The following TLK1 variants were observed in gnomAD, a reference collection of about 807,000 sequenced individuals.
TLK1 encodes the protein serine/threonine-protein kinase tousled-like 1.
TLK1 carries 24 observed loss-of-function variants against 105.3 expected under a neutral mutation model. The observed-to-expected ratio is 0.23, with a 90% CI of 0.17 to 0.32. The LOEUF is 0.32. Ranked by LOEUF, TLK1 falls within the 10% of genes least tolerant of loss-of-function variation. The probability of loss-of-function intolerance (pLI) is 1.00; values close to 1 mark genes in which losing one functional copy is unlikely to be tolerated. For synonymous variants in TLK1, 321 were observed against 310.4 expected, an observed-to-expected ratio of 1.03 and a Z score of -0.36; for missense variants, 558 against 910.5, an observed-to-expected ratio of 0.61 and a Z score of 4.98.
At chr2:171,099,364 C>G (rs1689592916) in intron 2 of TLK1, among the ~76,000 whole-genome samples, 1 of 152,092 alleles carries the variant, frequency 6.6e-6, no homozygotes, top group Non-Finnish European at 1.5e-5. Flanking sequence ...TAAAGAAGAT[C>G]TAAATGAATG....
intron 14 of TLK1, among the ~76,000 whole-genome samples, chr2:171,009,070 GA>G (rs1684778763): frequency 6.6e-6 from 1 of 152,122 alleles, no homozygotes; most frequent in South Asian, 2.1e-4. Flanking sequence ...TAGAATCAGA[GA>G]AACAGGAATT....
intron 2 of TLK1, among the ~76,000 whole-genome samples, chr2:171,083,671 A>G (rs1020152164): frequency 1.3e-5 from 2 of 152,218 alleles, no homozygotes; most frequent in African/African-American, 4.8e-5. Context: ...CACTTGTAAC[A>G]GGAGTGGCTG....
intron 1 of TLK1, among the ~76,000 whole-genome samples, chr2:171,223,281 C>T (rs1693840856): frequency 6.6e-6 from 1 of 152,114 alleles, no homozygotes; most frequent in Non-Finnish European, 1.5e-5. Context: ...TACAAGGATT[C>T]CTCTTTCTCT....
chr2:171,031,776 G>T (rs1686059069), intron 11 of TLK1, among the ~76,000 whole-genome samples: 1 of 152,130 alleles, frequency 6.6e-6, no homozygotes, highest in African/African-American at 2.4e-5. Flanking sequence ...TGGGGTGACA[G>T]TATTTTAAAA....
At chr2:171,211,555 CTT>C (rs56870845) in intron 1 of TLK1, among the ~76,000 whole-genome samples, 48 of 147,524 alleles carry the variant, frequency 3.3e-4, no homozygotes, top group African/African-American at 1.1e-3. Context: ...TAAATGGATG[CTT>C]TTTTTTTTTG....
chr2:171,203,998 G>T (rs1166448168), intron 1 of TLK1, among the ~76,000 whole-genome samples: 1 of 151,890 alleles, frequency 6.6e-6, no homozygotes, highest in East Asian at 1.9e-4. Flanking sequence ...AGCTTGCAGT[G>T]AGCTGAAATC....
intron 1 of TLK1, among the ~76,000 whole-genome samples, chr2:171,191,767 C>T (rs950334519): frequency 5.9e-5 from 9 of 152,030 alleles, no homozygotes; most frequent in Admixed American, 5.2e-4. Flanking sequence ...GTCTTTCTAC[C>T]GAGGCATAAG....
chr2:171,216,183 TA>T (rs1429421424), intron 1 of TLK1, among the ~76,000 whole-genome samples: 1 of 151,970 alleles, frequency 6.6e-6, no homozygotes, highest in African/African-American at 2.4e-5. Context: ...TATGCTGCCT[TA>T]AAAAAACAAG....
chr2:171,170,551 C>G (rs1280910373), intron 1 of TLK1, among the ~76,000 whole-genome samples: 1 of 152,188 alleles, frequency 6.6e-6, no homozygotes, highest in Admixed American at 6.5e-5. Context: ...CTCTTCCAGA[C>G]AAAAGACTTA....
chr2:171,005,116 A>G (rs1684585248), intron 18 of TLK1, among the ~76,000 whole-genome samples: 1 of 152,218 alleles, frequency 6.6e-6, no homozygotes, highest in Non-Finnish European at 1.5e-5. Flanking sequence ...TCCTGTTTCA[A>G]TGAAGTTGAA....
chr2:171,040,568 G>GTT (rs59971440), intron 11 of TLK1, among the ~76,000 whole-genome samples: 2 of 104,288 alleles, frequency 1.9e-5, no homozygotes, highest in African/African-American at 6.7e-5. Flanking sequence ...TTCCTTTTTT[G>GTT]TTTTTTTTTT....
intron 1 of TLK1, among the ~76,000 whole-genome samples, chr2:171,133,190 G>C (rs1691171875): frequency 6.6e-6 from 1 of 152,218 alleles, no homozygotes; most frequent in African/African-American, 2.4e-5. Context: ...GTAGATTCCA[G>C]AGGGGAAACA....
rs767982634 is a variant in TLK1 at position 171,014,904 on chromosome 2, G to A, written c.1281C>T (p.Val427=). The A allele has an allele frequency of 6.2e-6, 10 of 1,613,880 alleles. No individual in the cohort carries two copies. Among genetic ancestry groups the A allele is most frequent in the South Asian group, 4.4e-5 (4 of 91,052 alleles). The change falls in exon 13 of 21, where the codon GTC becomes GTT. Residue 427 remains valine (V), a synonymous_variant. Coordinates refer to ENST00000431350, the MANE Select transcript of TLK1 (RefSeq NM_012290.5). The part of the protein sequence containing the change: ...IQAELERLER[V]RNLHIRELKR... ...TCAGCTCACGTATGTGAAGATTTCT[G>A]ACTCTTTCCAAACGTTCAAGTTCTG...
intron 1 of TLK1, among the ~76,000 whole-genome samples, chr2:171,181,914 C>T (rs1204523785): frequency 1.3e-5 from 2 of 152,166 alleles, no homozygotes; most frequent in Non-Finnish European, 2.9e-5. Context: ...CCTTCCTTAT[C>T]CAGCTACGCC....
At chr2:171,043,768 C>T (rs1327717682) in intron 11 of TLK1, among the ~76,000 whole-genome samples, 1 of 151,910 alleles carries the variant, frequency 6.6e-6, no homozygotes, top group East Asian at 1.9e-4. Flanking sequence ...GAAATAGAGA[C>T]AAGGTCTCAC....
chr2:171,058,420 AACT>A (rs1558915073), intron 4 of TLK1, among the ~76,000 whole-genome samples: 1 of 152,184 alleles, frequency 6.6e-6, no homozygotes. Context: ...ACTGCTTAAT[AACT>A]ACTAATTTCA....
intron 2 of TLK1, chr2:171,091,615 T>C (rs1013722363): frequency 5.3e-5 from 8 of 152,266 alleles, no homozygotes; most frequent in South Asian, 2.1e-4. Context: ...TACCCATACC[T>C]ATAATCGAGA....
intron 3 of TLK1, chr2:171,066,700 T>G (rs1688012803): frequency 1.2e-6 from 1 of 809,670 alleles, no homozygotes; most frequent in South Asian, 2.3e-5. Flanking sequence ...GAAAATGATT[T>G]TGTCTGTTAT....
rs540586930 is a variant in TLK1, at chr2:171,082,731, G to A, written c.330+50C>T. 4 of 1,370,642 alleles carry A rather than the reference G, an allele frequency of 2.9e-6. No individual in the cohort carries two copies. In the East Asian group the frequency reaches 9.3e-5, roughly 32 times the overall value. 84.9% of individuals were successfully genotyped at this position (1,370,642 alleles called of 1,614,324 possible). A position where few individuals can be genotyped will look rare whatever the true frequency, so the allele number is the denominator to read the frequency against. On this transcript the variant is annotated intron_variant, in intron 3 of 20. Transcript: ENST00000431350. ...GAAACAAAATACTAATTAAAACGGT[G>A]ATTCCAGCTTTTACTTTAATAGCAC...
Sources: gnomAD v4.1 joint callset for allele counts (sites outside exome capture counted in the v4.1 genomes callset) on GRCh38, gnomAD v4.1.1 for gene constraint, MANE v1.5 for transcripts, NCBI Gene and HGNC (gene_info 2026-07-23, HGNC 2026-07-21) for gene names.